Variants in SYT16 observed in about 807,000 individuals in gnomAD.
SYT16 encodes synaptotagmin-16.
In SYT16, 42 loss-of-function variants were observed where a neutral mutation model predicts 61.4. That is an observed-to-expected ratio of 0.68 (90% confidence interval 0.53 to 0.89). SYT16 has a LOEUF of 0.89. Among genes scored for constraint, SYT16 ranks in the 40% least tolerant of loss-of-function variants. The probability of loss-of-function intolerance (pLI) is 0.00; values close to 1 mark genes in which losing one functional copy is unlikely to be tolerated. For missense variants in SYT16, 804 were observed against 807.3 expected (o/e 1.00, Z 0.05); for synonymous variants, 314 against 302.3 (o/e 1.04, Z -0.40).
At chr14:61,878,302 T>G (rs1037323466) in intron 1 of SYT16, among the ~76,000 whole-genome samples, 1 of 152,230 alleles carries the variant, frequency 6.6e-6, no homozygotes, top group African/African-American at 2.4e-5. Context: ...AGTTATTTCT[T>G]GCCTCCTTTT....
intron 1 of SYT16, among the ~76,000 whole-genome samples, chr14:61,946,452 A>G (rs1019534362): frequency 6.6e-6 from 1 of 152,178 alleles, no homozygotes; most frequent in South Asian, 2.1e-4. Flanking sequence ...ATAATGACCT[A>G]TTGGATACAA....
intron 1 of SYT16, among the ~76,000 whole-genome samples, chr14:61,847,162 T>C (rs1269529271): frequency 6.6e-6 from 1 of 152,212 alleles, no homozygotes; most frequent in African/African-American, 2.4e-5. Flanking sequence ...CTTCAGATGA[T>C]TTCTTATTGT....
At chr14:61,968,316 A>G (rs145709524) in intron 1 of SYT16, among the ~76,000 whole-genome samples, 7 of 152,250 alleles carry the variant, frequency 4.6e-5, no homozygotes, top group Middle Eastern at 3.4e-3. Context: ...TGATTGTGGA[A>G]AGAAGAAGAT....
intron 1 of SYT16, among the ~76,000 whole-genome samples, chr14:61,913,713 T>TGTGTGTGTGTGTGTGC (rs1179243643): frequency 6.6e-6 from 1 of 151,566 alleles, no homozygotes; most frequent in African/African-American, 2.4e-5. Context: ...TTTGTGTGTG[T>TGTGTGTGTGTGTGTGC]GTGTGTGTGT....
chr14:62,034,123 G>C (rs2054412688), intron 3 of SYT16, among the ~76,000 whole-genome samples: 1 of 152,126 alleles, frequency 6.6e-6, no homozygotes, highest in Non-Finnish European at 1.5e-5. Flanking sequence ...TTAGCTATCA[G>C]AGCAAAGCAG....
At position 61,996,448 on chromosome 14, in the gene SYT16, A is replaced by G; in HGVS notation, c.429A>G (p.Glu143=). 1 of 1,613,432 alleles carries G rather than the reference A, an allele frequency of 6.2e-7. No individual in the cohort carries two copies. The highest frequency in any genetic ancestry group is 8.5e-7 in the Non-Finnish European group (1 of 1,179,530). ...LPHVLSSIAE[E]EHHLEKQRSG... Reference sequence around the variant, plus strand: ...ATGTGCTTTCTTCTATTGCGGAGGAAGAGCATCACCTTGAAAAGCAAAGAA... The same window carrying G: ...ATGTGCTTTCTTCTATTGCGGAGGAGGAGCATCACCTTGAAAAGCAAAGAA... The change falls in exon 3 of 8, where the codon GAA becomes GAG. Residue 143 remains glutamate (E), a synonymous_variant. Coordinates refer to ENST00000683842, the MANE Select transcript of SYT16 (RefSeq NM_001367656.1).
chr14:61,975,235 G>A (rs1246907126), intron 2 of SYT16, among the ~76,000 whole-genome samples: 1 of 151,940 alleles, frequency 6.6e-6, no homozygotes, highest in Non-Finnish European at 1.5e-5. Context: ...TCAACAAACA[G>A]GTGGTAATAT....
At chr14:61,878,070 C>T (rs1021438393) in intron 1 of SYT16, among the ~76,000 whole-genome samples, 1 of 152,136 alleles carries the variant, frequency 6.6e-6, no homozygotes, top group Non-Finnish European at 1.5e-5. Context: ...ACTCACCGTT[C>T]TCCAGGGATC....
At chr14:62,019,369 C>T (rs986207865) in intron 3 of SYT16, among the ~76,000 whole-genome samples, 6 of 151,994 alleles carry the variant, frequency 3.9e-5, no homozygotes, top group Non-Finnish European at 7.4e-5. Flanking sequence ...TCACAGTGAG[C>T]GTGTGTGTGA....
chr14:61,911,080 A>G (rs780318356), intron 1 of SYT16, among the ~76,000 whole-genome samples: 3 of 152,326 alleles, frequency 2.0e-5, no homozygotes, highest in South Asian at 2.1e-4. Context: ...TGCAGGTAGC[A>G]CTTTGAATTT....
Position 62,000,098 on chromosome 14 carries a change from G to GGTTTTTTTTTTTTTTTTTTTTTTTTTT in SYT16, c.523+3556_523+3557insGTTTTTTTTTTTTTTTTTTTTTTTTTT, listed in dbSNP as rs1566751979. Among the ~76,000 whole-genome samples, 10 of 35,520 alleles carry GGTTTTTTTTTTTTTTTTTTTTTTTTTT rather than the reference G, an allele frequency of 2.8e-4. 1 individual carries two copies. Among genetic ancestry groups the GGTTTTTTTTTTTTTTTTTTTTTTTTTT allele is most frequent in the African/African-American group, 3.7e-4 (2 of 5,372 alleles). 23.3% of individuals were successfully genotyped at this position (35,520 alleles called of 152,430 possible). The stretch of plus-strand genomic sequence containing the variant: ...TTTTCTAATACTTATTTTGTCTCTC[G>GGTTTTTTTTTTTTTTTTTTTTTTTTTT]ATTTTTTTTTTTTTTTTTTTTTTTT... On this transcript the variant is annotated intron_variant, in intron 3 of 7. Coordinates refer to ENST00000683842, the MANE Select transcript of SYT16 (RefSeq NM_001367656.1).
intron 3 of SYT16, among the ~76,000 whole-genome samples, chr14:62,046,198 G>A (rs1350060113): frequency 1.3e-5 from 2 of 152,098 alleles, no homozygotes; most frequent in African/African-American, 4.8e-5. Flanking sequence ...TTCTCTGATG[G>A]CCAGTGATGA....
At chr14:61,974,092 C>A (rs1032763803) in intron 2 of SYT16, among the ~76,000 whole-genome samples, 2 of 152,044 alleles carry the variant, frequency 1.3e-5, no homozygotes, top group African/African-American at 4.8e-5. Flanking sequence ...CTGGTGGTGC[C>A]GGAGGGAGAG....
Position 61,970,192 on chromosome 14 carries a change from T to G in SYT16, c.-264T>G, listed in dbSNP as rs1160140861. 1 of 152,198 alleles carries G rather than the reference T, an allele frequency of 6.6e-6. No homozygotes were observed. Among genetic ancestry groups the G allele is most frequent in the Non-Finnish European group, 1.5e-5 (1 of 68,046 alleles). The allele number at this position is 152,198 out of a possible 1,614,324, so 9.4% of individuals were successfully genotyped here. ...GGGGTCTTTATTGTTCTTCTGGCCG[T>G]CCTCTTCCTCTTCATCAACAAGAAG... On this transcript the variant is annotated 5_prime_UTR_variant, in exon 2 of 8. Transcript: ENST00000683842.
At chr14:62,090,372 G>A (rs1318092324) in intron 7 of SYT16, among the ~76,000 whole-genome samples, 1 of 152,176 alleles carries the variant, frequency 6.6e-6, no homozygotes, top group Non-Finnish European at 1.5e-5. Context: ...ACTCACAATA[G>A]CAGAGACTAA....
chr14:62,052,033 G>A (rs1046934636), intron 3 of SYT16, among the ~76,000 whole-genome samples: 1 of 152,074 alleles, frequency 6.6e-6, no homozygotes, highest in African/African-American at 2.4e-5. Context: ...TATCGTCTCT[G>A]ATTTTGTTAT....
At chr14:61,812,255 C>T (rs903905755), upstream of SYT16, 1 of 152,490 alleles carries the variant, frequency 6.6e-6, no homozygotes, top group Non-Finnish European at 1.5e-5. Flanking sequence ...CTCATCCTCC[C>T]CACACCCCTA....
intron 7 of SYT16, among the ~76,000 whole-genome samples, chr14:62,097,272 C>A (rs2057301580): frequency 6.6e-6 from 1 of 152,112 alleles, no homozygotes; most frequent in Non-Finnish European, 1.5e-5. Flanking sequence ...GATTATGACC[C>A]ATTCAGTGTT....
At chr14:61,888,507 G>A (rs1303489109) in intron 1 of SYT16, among the ~76,000 whole-genome samples, 3 of 152,202 alleles carry the variant, frequency 2.0e-5, no homozygotes, top group Non-Finnish European at 4.4e-5. Context: ...GGTCAAGGGA[G>A]TAGTCAGAAA....
Sources: gnomAD v4.1 joint callset for allele counts (sites outside exome capture counted in the v4.1 genomes callset) on GRCh38, gnomAD v4.1.1 for gene constraint, MANE v1.5 for transcripts, NCBI Gene and HGNC (gene_info 2026-07-23, HGNC 2026-07-21) for gene names.